TP63: variants seen among roughly 807,000 people sequenced by gnomAD.
TP63 encodes tumor protein p63.
TP63 carries 17 observed loss-of-function variants against 82.8 expected under a neutral mutation model. The ratio of observed to expected loss-of-function variants is 0.21; its 90% CI spans 0.14 to 0.31. TP63 has a LOEUF of 0.31. Ranked by LOEUF, TP63 falls within the 10% of genes least tolerant of loss-of-function variation. The probability of loss-of-function intolerance (pLI) is 1.00; values close to 1 mark genes in which losing one functional copy is unlikely to be tolerated. For missense variants in TP63, 648 were observed against 895.3 expected (o/e 0.72, Z 3.52); for synonymous variants, 330 against 321.7 (o/e 1.03, Z -0.28).
chr3:189,766,062 G>A (rs1488784122), intron 3 of TP63, among the ~76,000 whole-genome samples: 1 of 152,156 alleles, frequency 6.6e-6, no homozygotes, highest in Non-Finnish European at 1.5e-5. Context: ...GTGCACAGGT[G>A]CAATGGTGAA....
intron 4 of TP63, among the ~76,000 whole-genome samples, chr3:189,812,224 G>T (rs1179867936): frequency 6.6e-6 from 1 of 152,062 alleles, no homozygotes; most frequent in Non-Finnish European, 1.5e-5. Flanking sequence ...AAGTATATGT[G>T]CATTTTTCCT....
chr3:189,734,147 C>A (rs571339199), intron 1 of TP63, among the ~76,000 whole-genome samples: 1 of 123,638 alleles, frequency 8.1e-6, no homozygotes, highest in Non-Finnish European at 1.7e-5. Context: ...TCCCTCCCTC[C>A]GTCCCTCCCT....
At chr3:189,831,194 T>C (rs1712279440) in intron 4 of TP63, among the ~76,000 whole-genome samples, 1 of 152,234 alleles carries the variant, frequency 6.6e-6, no homozygotes, top group Non-Finnish European at 1.5e-5. Flanking sequence ...AAAGCACTTA[T>C]AATTTTGATG....
chr3:189,784,608 T>C (rs765299180), intron 3 of TP63, among the ~76,000 whole-genome samples: 2 of 152,118 alleles, frequency 1.3e-5, no homozygotes, highest in African/African-American at 4.8e-5. Flanking sequence ...CTGTCTACCA[T>C]TTTATCTTTT....
At chr3:189,716,342 T>A (rs901692603) in intron 1 of TP63, among the ~76,000 whole-genome samples, 5 of 152,244 alleles carry the variant, frequency 3.3e-5, no homozygotes, top group Non-Finnish European at 7.3e-5. Context: ...TTTGTTTTAA[T>A]GATTTTACAC....
Position 189,886,540 on chromosome 3 carries a change from T to C in TP63, c.1496T>C (p.Met499Thr). ...ACTCCTACAACCATTCCTGATGGCA[T>C]GGGAGCCAACAGTAAGAGCATCTCC... ...ALTPTTIPDG[M>T]GANIPMMGTH... The change falls in exon 11 of 14, where the codon ATG (methionine) becomes ACG (threonine). Residue 499 changes from methionine to threonine, a missense_variant. Coordinates refer to ENST00000264731, the MANE Select transcript of TP63 (RefSeq NM_003722.5). 1 of 1,613,990 alleles carries C rather than the reference T, an allele frequency of 6.2e-7. No homozygotes were observed. Among genetic ancestry groups the C allele is most frequent in the Non-Finnish European group, 8.5e-7 (1 of 1,179,954 alleles).
intron 4 of TP63, among the ~76,000 whole-genome samples, chr3:189,842,760 C>G (rs1261264132): frequency 6.6e-6 from 1 of 152,192 alleles, no homozygotes; most frequent in East Asian, 1.9e-4. Context: ...TCAGTGTCAT[C>G]TCACCCTGGC....
chr3:189,643,455 T>TA (rs71635306), intron 1 of TP63, among the ~76,000 whole-genome samples: 107 of 122,952 alleles, frequency 8.7e-4, no homozygotes, highest in East Asian at 2.8e-3. Context: ...TTAAACTGAT[T>TA]AAAAAAAAAA....
intron 1 of TP63, among the ~76,000 whole-genome samples, chr3:189,642,978 A>AATTTATTTATTTATTTATTT (rs202072069): frequency 0.02 from 2,708 of 137,740 alleles, 32 homozygotes; most frequent in Non-Finnish European, 0.027. Context: ...CAGACAGCCA[A>AATTTATTTATTTATTTATTT]ATTTATTTAT....
chr3:189,621,476 A>T, the TP63 span, among the ~76,000 whole-genome samples: 1 of 151,964 alleles, frequency 6.6e-6, no homozygotes, highest in Non-Finnish European at 1.5e-5. Context: ...ATGCATACTT[A>T]TATACATATT....
intron 4 of TP63, among the ~76,000 whole-genome samples, chr3:189,845,909 CTTG>C (rs1714799559): frequency 6.6e-6 from 1 of 151,276 alleles, no homozygotes; most frequent in East Asian, 1.9e-4. Flanking sequence ...AGCTAAAGTT[CTTG>C]TTTTTTGGTT....
chr3:189,788,308 A>G (rs1724782010), intron 3 of TP63, among the ~76,000 whole-genome samples: 1 of 152,158 alleles, frequency 6.6e-6, no homozygotes, highest in South Asian at 2.1e-4. Flanking sequence ...CCAGTAACCT[A>G]TGGGTCTTAT....
At chr3:189,875,680 G>A (rs1253482910) in intron 10 of TP63, among the ~76,000 whole-genome samples, 1 of 121,814 alleles carries the variant, frequency 8.2e-6, no homozygotes, top group African/African-American at 3.2e-5. Flanking sequence ...CTGTCTTATA[G>A]ATAAATGCGT....
chr3:189,663,013 A>AT (rs1453035855), intron 1 of TP63, among the ~76,000 whole-genome samples: 1 of 118,368 alleles, frequency 8.4e-6, no homozygotes, highest in Non-Finnish European at 2.0e-5. Flanking sequence ...AAGTGCTCTG[A>AT]ATTTTTTTTT....
chr3:189,685,421 T>C (rs976567024), intron 1 of TP63, among the ~76,000 whole-genome samples: 4 of 152,228 alleles, frequency 2.6e-5, no homozygotes, highest in East Asian at 1.9e-4. Flanking sequence ...TACTCTTCTT[T>C]CACTTCTCCT....
intron 1 of TP63, among the ~76,000 whole-genome samples, chr3:189,634,082 A>G (rs1477924826): frequency 2.0e-5 from 3 of 152,126 alleles, no homozygotes; most frequent in South Asian, 4.1e-4. Flanking sequence ...GGATCAAACA[A>G]TATGTTCTTT....
Position 189,799,334 on chromosome 3 carries a change from A to G in TP63, c.325-8938A>G, listed in dbSNP as rs116437133. 6.4e-3 allele frequency among the ~76,000 whole-genome samples: 973 copies of G among 152,202 alleles called. 8 individuals carry two copies. The highest frequency in any genetic ancestry group is 0.022 in the African/African-American group (932 of 41,542). ...CAGGGAGGGACCAATTTTGTGGCCT[A>G]TCTACCAGAAACTAAATGTCTTTCT... On this transcript the variant is annotated intron_variant, in intron 3 of 13. Coordinates refer to ENST00000264731, the MANE Select transcript of TP63 (RefSeq NM_003722.5).
At chr3:189,892,865 A>G (rs1391334298) in intron 13 of TP63, among the ~76,000 whole-genome samples, 1 of 152,230 alleles carries the variant, frequency 6.6e-6, no homozygotes, top group Admixed American at 6.5e-5. Context: ...CTGCTACAGT[A>G]AGAGATTAGG....
intron 1 of TP63, among the ~76,000 whole-genome samples, chr3:189,725,916 G>T (rs1024060507): frequency 1.3e-5 from 2 of 152,138 alleles, no homozygotes; most frequent in Non-Finnish European, 2.9e-5. Flanking sequence ...TCAGCTGGGC[G>T]TGCTGGCACG....
Sources: allele counts gnomAD v4.1 joint callset (sites outside exome capture counted in the v4.1 genomes callset), GRCh38; gene constraint gnomAD v4.1.1; transcripts MANE v1.5; gene names NCBI Gene and HGNC (gene_info 2026-07-23, HGNC 2026-07-21).